VTI1A: variants seen among roughly 807,000 people sequenced by gnomAD.
VTI1A encodes the protein vesicle transport through interaction with t-SNAREs homolog 1A.
A neutral mutation model predicts 34.9 loss-of-function variants in VTI1A; 22 were observed. That is an observed-to-expected ratio of 0.63 (90% CI 0.45 to 0.90). The LOEUF is 0.90. VTI1A is among the 40% of genes least tolerant of loss of function. The probability of loss-of-function intolerance (pLI) is 0.00; values close to 1 mark genes in which losing one functional copy is unlikely to be tolerated. For missense variants in VTI1A, 268 were observed against 275.6 expected (o/e 0.97, Z 0.20); for synonymous variants, 87 against 97.3 (o/e 0.89, Z 0.62).
intron 5 of VTI1A, among the ~76,000 whole-genome samples, chr10:112,632,519 G>T (rs1846168998): frequency 6.6e-6 from 1 of 152,144 alleles, no homozygotes; most frequent in African/African-American, 2.4e-5. Flanking sequence ...TTGACAGAGG[G>T]CTCTGCCCCA....
At chr10:112,741,713 A>G (rs1365249986) in intron 7 of VTI1A, among the ~76,000 whole-genome samples, 2 of 152,222 alleles carry the variant, frequency 1.3e-5, no homozygotes, top group Non-Finnish European at 2.9e-5. Context: ...AAATTAGGAT[A>G]TCTTCAAAAA....
chr10:112,804,689 C>T (rs570068199), intron 7 of VTI1A, among the ~76,000 whole-genome samples: 63 of 152,050 alleles, frequency 4.1e-4, no homozygotes, highest in African/African-American at 1.4e-3. Flanking sequence ...TCATTGATTG[C>T]TCATTGTGAC....
At chr10:112,700,057 G>T (rs1012322568) in intron 7 of VTI1A, among the ~76,000 whole-genome samples, 2 of 147,168 alleles carry the variant, frequency 1.4e-5, no homozygotes, top group African/African-American at 5.1e-5. Context: ...GGCAGAGGTT[G>T]CAGTGAGCCA....
intron 4 of VTI1A, among the ~76,000 whole-genome samples, chr10:112,534,538 G>A (rs1225426083): frequency 6.6e-6 from 1 of 152,016 alleles, no homozygotes; most frequent in Non-Finnish European, 1.5e-5. Context: ...TGATACAGAT[G>A]TTAATTTAGA....
intron 7 of VTI1A, among the ~76,000 whole-genome samples, chr10:112,812,484 G>A (rs1397223660): frequency 2.0e-5 from 3 of 152,190 alleles, no homozygotes; most frequent in Admixed American, 1.3e-4. Context: ...CCCTGGCTGC[G>A]ATTGCAACTA....
chr10:112,698,030 C>T (rs1383323118), intron 7 of VTI1A, among the ~76,000 whole-genome samples: 1 of 152,008 alleles, frequency 6.6e-6, no homozygotes, highest in East Asian at 1.9e-4. Flanking sequence ...AATCTATTTG[C>T]TTTGGAATGG....
chr10:112,610,213 A>G (rs1487432414), intron 5 of VTI1A, among the ~76,000 whole-genome samples: 2 of 149,882 alleles, frequency 1.3e-5, no homozygotes, highest in African/African-American at 2.5e-5. Flanking sequence ...AAGATGATCC[A>G]TTTAGGACCA....
At chr10:112,498,565 A>G (rs1461497069) in intron 3 of VTI1A, among the ~76,000 whole-genome samples, 1 of 152,174 alleles carries the variant, frequency 6.6e-6, no homozygotes, top group Non-Finnish European at 1.5e-5. Flanking sequence ...ATGTGCTGTG[A>G]CTATTTAGAG....
At chr10:112,793,599 A>C (rs1336918965) in intron 7 of VTI1A, among the ~76,000 whole-genome samples, 1 of 152,238 alleles carries the variant, frequency 6.6e-6, no homozygotes, top group Non-Finnish European at 1.5e-5. Flanking sequence ...TATCATGCTG[A>C]AGTCATAAAA....
At chr10:112,792,361 T>C (rs1852511925) in intron 7 of VTI1A, among the ~76,000 whole-genome samples, 3 of 152,160 alleles carry the variant, frequency 2.0e-5, no homozygotes, top group Admixed American at 2.0e-4. Flanking sequence ...CAACGTCTCA[T>C]GCTTTGCAGA....
intron 7 of VTI1A, among the ~76,000 whole-genome samples, chr10:112,749,067 C>G (rs1023149612): frequency 3.3e-5 from 5 of 152,184 alleles, no homozygotes; most frequent in Admixed American, 2.0e-4. Context: ...ATAAAACAAC[C>G]AGGTAGACTG....
chr10:112,547,247 G>C (rs1360901259), intron 5 of VTI1A, among the ~76,000 whole-genome samples: 1 of 151,774 alleles, frequency 6.6e-6, no homozygotes, highest in Admixed American at 6.6e-5. Flanking sequence ...TTGTGCCATT[G>C]TACTCCAGCC....
rs879533914 is a variant in VTI1A at position 112,663,125 on chromosome 10, A to G, written c.428-5093A>G. On this transcript the variant is annotated intron_variant, in intron 5 of 7. Coordinates refer to ENST00000393077, the MANE Select transcript of VTI1A (RefSeq NM_145206.4). ...CTTCTTTATTCCCTCTTATTTGGCA[A>G]ATTTGAAGATTTGGGGAGAAATATC... 1.4e-4 allele frequency among the ~76,000 whole-genome samples: 22 copies of G among 152,302 alleles called. No individual in the cohort carries two copies. The Middle Eastern group carries it at 0.01, about 71-fold the overall frequency.
chr10:112,821,214 A>T (rs1853646470), downstream of VTI1A, among the ~76,000 whole-genome samples: 1 of 152,110 alleles, frequency 6.6e-6, no homozygotes, highest in African/African-American at 2.4e-5. Flanking sequence ...TGGCGTGAAT[A>T]ATAGCTCAGC....
At chr10:112,493,859 T>A (rs1010340094) in intron 3 of VTI1A, among the ~76,000 whole-genome samples, 8 of 152,176 alleles carry the variant, frequency 5.3e-5, no homozygotes, top group Admixed American at 2.0e-4. Context: ...TGCTGTTTGG[T>A]TTACTTATAT....
intron 4 of VTI1A, among the ~76,000 whole-genome samples, chr10:112,530,249 T>C (rs569420774): frequency 3.9e-5 from 6 of 152,310 alleles, no homozygotes; most frequent in South Asian, 2.1e-4. Context: ...GGCTATCAGC[T>C]TTCCAAGGAT....
At chr10:112,517,203 T>G (rs1449347979) in intron 3 of VTI1A, among the ~76,000 whole-genome samples, 2 of 151,132 alleles carry the variant, frequency 1.3e-5, no homozygotes, top group African/African-American at 4.9e-5. Flanking sequence ...TCAAAGGGAG[T>G]GTGGTGCTGA....
intron 7 of VTI1A, 77 bp from the exon 8 acceptor site, chr10:112,815,213 A>G: frequency 1.3e-6 from 1 of 758,992 alleles, no homozygotes; most frequent in Admixed American, 3.0e-5. Flanking sequence ...TTGATTAGCC[A>G]ACCTGGCCTC....
intron 7 of VTI1A, among the ~76,000 whole-genome samples, chr10:112,789,149 C>T (rs375214052): frequency 2.0e-5 from 3 of 152,114 alleles, no homozygotes; most frequent in South Asian, 2.1e-4. Context: ...TATTTCCTTC[C>T]GTGGATTTGA....
Sources: gnomAD v4.1 joint callset for allele counts (sites outside exome capture counted in the v4.1 genomes callset) on GRCh38, gnomAD v4.1.1 for gene constraint, MANE v1.5 for transcripts, NCBI Gene and HGNC (gene_info 2026-07-23, HGNC 2026-07-21) for gene names.